Variants in ZNF138 observed in about 807,000 individuals in gnomAD.
ZNF138 encodes zinc finger protein 138.
Under a neutral mutation model 33.0 loss-of-function variants are expected in ZNF138, and 33 were observed. The ratio of observed to expected loss-of-function variants is 1.00; its 90% CI spans 0.76 to 1.34. ZNF138 has a LOEUF of 1.34. Ranked by LOEUF, ZNF138 falls within the 40% of genes most tolerant of loss-of-function variation. The pLI is 0.00. For missense variants in ZNF138, 360 were observed against 370.8 expected (o/e 0.97, Z 0.24); for synonymous variants, 139 against 120.4 (o/e 1.15, Z -1.01).
chr7:64,853,213 G>T, the ZNF138 span: 4 of 1,602,574 alleles, frequency 2.5e-6, no homozygotes, highest in Non-Finnish European at 2.6e-6. Flanking sequence ...TCTTGGAAGT[G>T]GTTCTGTAAA....
intron 3 of ZNF138, among the ~76,000 whole-genome samples, chr7:64,816,597 G>GT (rs1330270795): frequency 6.6e-6 from 1 of 151,640 alleles, no homozygotes; most frequent in Admixed American, 6.6e-5. Flanking sequence ...TGTACTTTTT[G>GT]TTTTTTAATA....
Position 64,832,487 on chromosome 7 carries a change from G to T in ZNF138, c.*285G>T. On this transcript the variant is annotated 3_prime_UTR_variant, in exon 4 of 4. Transcript: ENST00000307355. ...GTACACATAAGAAAATTCATACTGG[G>T]GAGAAACCCCACAAATGTGGAGAAT... is the stretch of plus-strand genomic sequence containing the variant. The T allele has an allele frequency of 3.6e-6, 4 of 1,106,002 alleles. No homozygotes were observed. Among genetic ancestry groups the T allele is most frequent in the Non-Finnish European group, 1.2e-6 (1 of 823,236 alleles). The allele number at this position is 1,106,002 out of a possible 1,614,324, so 68.5% of individuals were successfully genotyped here.
intron 1 of ZNF138, among the ~76,000 whole-genome samples, chr7:64,803,059 CT>C (rs1787280003): frequency 6.6e-6 from 1 of 152,052 alleles, no homozygotes; most frequent in African/African-American, 2.4e-5. Context: ...AGGGTTTATT[CT>C]CCTGCATGAA....
At chr7:64,805,478 G>A (rs1184563189) in intron 1 of ZNF138, among the ~76,000 whole-genome samples, 1 of 152,038 alleles carries the variant, frequency 6.6e-6, no homozygotes, top group Non-Finnish European at 1.5e-5. Flanking sequence ...ATTCTACCTA[G>A]GAGTCCTGCA....
chr7:64,844,030 GC>G, the ZNF138 span, among the ~76,000 whole-genome samples: 1 of 152,070 alleles, frequency 6.6e-6, no homozygotes, highest in Non-Finnish European at 1.5e-5. Flanking sequence ...CACCATGTTG[GC>G]CAGGCTGGTC....
intron 1 of ZNF138, among the ~76,000 whole-genome samples, chr7:64,812,162 G>GTT (rs60036934): frequency 0.013 from 1,883 of 141,760 alleles, 45 homozygotes; most frequent in African/African-American, 0.045. Flanking sequence ...AGTTAAGTGG[G>GTT]TTTTTTTTTT....
intron 1 of ZNF138, among the ~76,000 whole-genome samples, chr7:64,809,800 T>G (rs1218179329): frequency 9.0e-6 from 1 of 111,044 alleles, no homozygotes. Flanking sequence ...CGGGCAGAGG[T>G]GCTCCTCACA....
intron 3 of ZNF138, among the ~76,000 whole-genome samples, chr7:64,825,932 C>A (rs1171852512): frequency 6.6e-6 from 1 of 152,138 alleles, no homozygotes; most frequent in East Asian, 1.9e-4. Flanking sequence ...AACTCCCAAA[C>A]TCAGATGATC....
chr7:64,802,000 G>A (rs1787171398), intron 1 of ZNF138, among the ~76,000 whole-genome samples: 1 of 152,172 alleles, frequency 6.6e-6, no homozygotes, highest in Non-Finnish European at 1.5e-5. Flanking sequence ...AGTGACCATG[G>A]CCTGTGACAC....
chr7:64,859,170 C>A, the ZNF138 span, among the ~76,000 whole-genome samples: 1 of 152,134 alleles, frequency 6.6e-6, no homozygotes, highest in Non-Finnish European at 1.5e-5. Context: ...TTGTGAACCA[C>A]CCACCTCAGC....
intron 1 of ZNF138, among the ~76,000 whole-genome samples, chr7:64,804,946 C>T (rs6978652): frequency 0.42 from 63,233 of 151,952 alleles, 13,628 homozygotes; most frequent in Non-Finnish European, 0.48. Context: ...TCGAGAGTAG[C>T]GGTGCACTTT....
At chr7:64,853,194 T>G in the ZNF138 span, 2 of 1,597,172 alleles carry the variant, frequency 1.3e-6, no homozygotes, top group Non-Finnish European at 1.7e-6. Context: ...TCCCAGAAAC[T>G]GCTCATCTTC....
At chr7:64,840,020 CG>C in the ZNF138 span, among the ~76,000 whole-genome samples, 1 of 151,896 alleles carries the variant, frequency 6.6e-6, no homozygotes, top group Non-Finnish European at 1.5e-5. Flanking sequence ...TTGAGTTTCG[CG>C]CTTCTGAGTG....
chr7:64,852,320 A>C, the ZNF138 span: 1 of 979,436 alleles, frequency 1.0e-6, no homozygotes, highest in Non-Finnish European at 1.6e-6. Flanking sequence ...TGTTGCTTAT[A>C]GTCTTTAATT....
chr7:64,796,942 C>T (rs1003084249), intron 1 of ZNF138, among the ~76,000 whole-genome samples: 83 of 151,996 alleles, frequency 5.5e-4, no homozygotes, highest in African/African-American at 2.0e-3. Context: ...CCCAGCTATT[C>T]GGGAGGCTGA....
downstream of ZNF138, among the ~76,000 whole-genome samples, chr7:64,834,053 GTT>G (rs1292641520): frequency 6.6e-6 from 1 of 152,154 alleles, no homozygotes; most frequent in Non-Finnish European, 1.5e-5. Context: ...TAAAAAAAGA[GTT>G]TTTATTTTGA....
intron 3 of ZNF138, among the ~76,000 whole-genome samples, chr7:64,827,128 T>G (rs1037645556): frequency 1.6e-4 from 25 of 151,864 alleles, no homozygotes; most frequent in African/African-American, 5.8e-4. Flanking sequence ...TTTTTTAATA[T>G]GCAGTGTCTT....
At chr7:64,798,054 C>T (rs943374380) in intron 1 of ZNF138, among the ~76,000 whole-genome samples, 12 of 152,132 alleles carry the variant, frequency 7.9e-5, no homozygotes, top group African/African-American at 1.9e-4. Flanking sequence ...GACTGTCATG[C>T]CACAGCCTCC....
intron 1 of ZNF138, among the ~76,000 whole-genome samples, chr7:64,814,408 C>T: frequency 6.6e-6 from 1 of 152,264 alleles, no homozygotes; most frequent in East Asian, 1.9e-4. Flanking sequence ...TATGCTGATT[C>T]TGTGGATCTT....
Sources: allele counts gnomAD v4.1 joint callset (sites outside exome capture counted in the v4.1 genomes callset), GRCh38; gene constraint gnomAD v4.1.1; transcripts MANE v1.5; gene names NCBI Gene and HGNC (gene_info 2026-07-23, HGNC 2026-07-21).